Variants in STAC observed in about 807,000 individuals in gnomAD.
The protein encoded by STAC is SH3 and cysteine rich domain.
Under a neutral mutation model 48.8 loss-of-function variants are expected in STAC, and 43 were observed. That is an observed-to-expected ratio of 0.88 (90% CI 0.69 to 1.14). STAC has a LOEUF of 1.14. STAC is among the 50% of genes most tolerant of loss of function. The pLI is 0.00. For missense variants in STAC, 497 were observed against 504.0 expected (o/e 0.99, Z 0.13); for synonymous variants, 193 against 179.5 (o/e 1.07, Z -0.60).
In STAC at chr3:36,405,442, C is replaced by G. The variant is rs1700071283; in HGVS notation, c.111+24688C>G. On this transcript the variant is annotated intron_variant, in intron 1 of 10. Coordinates refer to ENST00000273183, the MANE Select transcript of STAC (RefSeq NM_003149.3). ...ACACACAGCTTCCTGCAGCCCTCCC[C>G]AGTGAAAGCTTCTCCCAGCACTGTA... 2.0e-5 allele frequency among the ~76,000 whole-genome samples: 3 copies of G among 152,300 alleles called. No homozygotes were observed. In the South Asian group the frequency reaches 6.2e-4, roughly 32 times the overall value.
At chr3:36,448,912 C>A (rs202193083) in intron 2 of STAC, among the ~76,000 whole-genome samples, 3 of 127,354 alleles carry the variant, frequency 2.4e-5, no homozygotes, top group Non-Finnish European at 5.1e-5. Context: ...CCCCCCCCCC[C>A]ACTCCCGACC....
chr3:36,478,662 T>C (rs1697558073), intron 2 of STAC, among the ~76,000 whole-genome samples: 1 of 152,142 alleles, frequency 6.6e-6, no homozygotes, highest in African/African-American at 2.4e-5. Context: ...GCCCGGCTAA[T>C]TTTTGAATAT....
intron 1 of STAC, among the ~76,000 whole-genome samples, chr3:36,440,947 T>C (rs1696330250): frequency 6.6e-6 from 1 of 152,204 alleles, no homozygotes; most frequent in Non-Finnish European, 1.5e-5. Flanking sequence ...TTAAATTACT[T>C]TTATGATTTT....
intron 6 of STAC, among the ~76,000 whole-genome samples, chr3:36,501,132 A>G (rs1010589757): frequency 2.0e-5 from 3 of 152,182 alleles, no homozygotes; most frequent in African/African-American, 7.2e-5. Flanking sequence ...AAAGGGATTC[A>G]TAATAAAGAC....
rs1011226230 is a variant in STAC at position 36,546,582 on chromosome 3, C to T, written c.*293C>T. The T allele has an allele frequency of 8.5e-6, 4 of 471,358 alleles. No individual in the cohort carries two copies. The highest frequency in any genetic ancestry group is 1.2e-5 in the Non-Finnish European group (3 of 260,780). The allele number at this position is 471,358 out of a possible 1,614,324, so 29.2% of individuals were successfully genotyped here. A position where few individuals can be genotyped will look rare whatever the true frequency, so the allele number is the denominator to read the frequency against. ...ATAAACCACAGCTGTCCCCCAGGAT[C>T]CCACTCCTTTCCTGTCTGTGTGGTG... On this transcript the variant is annotated 3_prime_UTR_variant, in exon 11 of 11. Transcript: ENST00000273183.
At chr3:36,480,482 G>T (rs1416909642) in intron 2 of STAC, among the ~76,000 whole-genome samples, 1 of 152,110 alleles carries the variant, frequency 6.6e-6, no homozygotes, top group Non-Finnish European at 1.5e-5. Flanking sequence ...TCAGAGGTTT[G>T]CCTGTTGCTT....
chr3:36,390,264 C>T (rs1699721946), intron 1 of STAC, among the ~76,000 whole-genome samples: 2 of 152,056 alleles, frequency 1.3e-5, no homozygotes, highest in Non-Finnish European at 1.5e-5. Flanking sequence ...TAAGTCATTC[C>T]TTAAGATCCC....
intron 1 of STAC, among the ~76,000 whole-genome samples, chr3:36,416,838 A>G (rs1032892657): frequency 5.9e-5 from 9 of 152,160 alleles, no homozygotes; most frequent in African/African-American, 2.2e-4. Flanking sequence ...CAAGCCATTG[A>G]GCATGTCCCT....
chr3:36,405,936 T>C lies in STAC; in HGVS notation c.111+25182T>C, dbSNP rs116503390. On this transcript the variant is annotated intron_variant, in intron 1 of 10. Transcript: ENST00000273183. Reference sequence around the variant, plus strand: ...TGGGGTCTCACTTTGTTGCCCAGGATGGTCTTGAACTCCTGGATTCAAGCA... The same window carrying C: ...TGGGGTCTCACTTTGTTGCCCAGGACGGTCTTGAACTCCTGGATTCAAGCA... Among the ~76,000 whole-genome samples the C allele has an allele frequency of 2.1e-3, 313 of 152,294 alleles. 3 individuals are homozygous for C. Among genetic ancestry groups the C allele is most frequent in the African/African-American group, 6.9e-3 (286 of 41,558 alleles).
intron 1 of STAC, among the ~76,000 whole-genome samples, chr3:36,428,156 T>C (rs932996340): frequency 3.9e-5 from 6 of 152,212 alleles, no homozygotes; most frequent in African/African-American, 1.4e-4. Context: ...TGGGATGTAA[T>C]TGAGGCCCCC....
chr3:36,387,986 CA>C, intron 1 of STAC, among the ~76,000 whole-genome samples: 1 of 152,214 alleles, frequency 6.6e-6, no homozygotes, highest in Non-Finnish European at 1.5e-5. Flanking sequence ...TCTGCATCCT[CA>C]CCAATACTTG....
At chr3:36,526,229 A>G (rs189558001) in intron 8 of STAC, among the ~76,000 whole-genome samples, 5 of 152,148 alleles carry the variant, frequency 3.3e-5, no homozygotes, top group Non-Finnish European at 5.9e-5. Context: ...GATTGATTGC[A>G]TTAATGGCCC....
At chr3:36,505,405 C>T (rs186472583) in intron 7 of STAC, among the ~76,000 whole-genome samples, 65 of 152,182 alleles carry the variant, frequency 4.3e-4, no homozygotes, top group East Asian at 1.9e-3. Flanking sequence ...ATGTGTCCCT[C>T]TTTCTTTAGA....
chr3:36,546,512 C>G lies in STAC; in HGVS notation c.*223C>G, dbSNP rs1462530928. On this transcript the variant is annotated 3_prime_UTR_variant, in exon 11 of 11. Transcript: ENST00000273183. ...CAGGTGGGGACGAGGCTGAGAGAGT[C>G]AGCAGGCAGAGCCAGATGCCATGCT... is the stretch of plus-strand genomic sequence containing the variant. The G allele has an allele frequency of 4.8e-5, 27 of 563,246 alleles. No homozygotes were observed. The highest frequency in any genetic ancestry group is 8.5e-5 in the Non-Finnish European group (27 of 316,302). 34.9% of individuals were successfully genotyped at this position (563,246 alleles called of 1,614,324 possible).
At chr3:36,519,967 G>T in intron 8 of STAC, among the ~76,000 whole-genome samples, 1 of 152,162 alleles carries the variant, frequency 6.6e-6, no homozygotes, top group Admixed American at 6.6e-5. Flanking sequence ...AAAATCATTT[G>T]CATTAATATC....
At chr3:36,442,941 T>C (rs1232165776) in intron 1 of STAC, among the ~76,000 whole-genome samples, 1 of 152,204 alleles carries the variant, frequency 6.6e-6, no homozygotes, top group Non-Finnish European at 1.5e-5. Flanking sequence ...CAAGTGGCTG[T>C]TAAGTGATCA....
At chr3:36,486,703 T>C (rs911218198) in intron 5 of STAC, among the ~76,000 whole-genome samples, 2 of 152,112 alleles carry the variant, frequency 1.3e-5, no homozygotes, top group Non-Finnish European at 2.9e-5. Flanking sequence ...CACCTCTTGA[T>C]TGCACACAAA....
intron 8 of STAC, among the ~76,000 whole-genome samples, chr3:36,506,921 T>C (rs1391912372): frequency 1.3e-5 from 2 of 152,212 alleles, no homozygotes; most frequent in Non-Finnish European, 2.9e-5. Flanking sequence ...TTTATTTCTT[T>C]CTGTTGCCTG....
At chr3:36,515,882 C>T (rs192690579) in intron 8 of STAC, among the ~76,000 whole-genome samples, 1 of 151,726 alleles carries the variant, frequency 6.6e-6, no homozygotes, top group South Asian at 2.1e-4. Flanking sequence ...AGATATGTGG[C>T]CTTCTATCTT....
Sources: gnomAD v4.1 joint callset for allele counts (sites outside exome capture counted in the v4.1 genomes callset) on GRCh38, gnomAD v4.1.1 for gene constraint, MANE v1.5 for transcripts, NCBI Gene and HGNC (gene_info 2026-07-23, HGNC 2026-07-21) for gene names.